TRHDE: variants seen among roughly 807,000 people sequenced by gnomAD.
The protein encoded by TRHDE is thyrotropin releasing hormone degrading enzyme.
TRHDE carries 72 observed loss-of-function variants against 125.7 expected under a neutral mutation model. The observed-to-expected ratio is 0.57, with a 90% CI of 0.47 to 0.70. The LOEUF is 0.70. TRHDE is among the 30% of genes least tolerant of loss of function. The pLI is 0.00. For missense variants in TRHDE, 1,110 were observed against 1,327.1 expected, an observed-to-expected ratio of 0.84 and a Z score of 2.54; for synonymous variants, 509 against 509.1, an observed-to-expected ratio of 1.00 and a Z score of 0.00.
chr12:72,618,860 A>G (rs997733283), intron 12 of TRHDE, 31 bp from the exon 13 acceptor site: 15 of 1,444,034 alleles, frequency 1.0e-5, no homozygotes, highest in Non-Finnish European at 1.3e-5. Context: ...TTTGTGCATC[A>G]TCATGTATCT....
In TRHDE at chr12:72,298,998, A is replaced by G. The variant is rs117842367; in HGVS notation, c.1188+12044A>G. On this transcript the variant is annotated intron_variant, in intron 2 of 18. Coordinates refer to ENST00000261180, the MANE Select transcript of TRHDE (RefSeq NM_013381.3). ...ACTTTTGCACCAAATGTGTTGCAGT[A>G]CAGAGAAGAATCTCTGGGTGACCAT... Among the ~76,000 whole-genome samples the G allele has an allele frequency of 3.5e-3, 531 of 152,232 alleles. 3 individuals carry two copies. Among genetic ancestry groups the G allele is most frequent in the South Asian group, 7.7e-3 (37 of 4,824 alleles).
intron 2 of TRHDE, chr12:72,162,868 TA>T (rs1431219831): frequency 6.6e-6 from 1 of 151,534 alleles, no homozygotes; most frequent in African/African-American, 2.4e-5. Context: ...TAGACAATCA[TA>T]GGGGGCATGA....
At chr12:72,124,064 A>G (rs1181127467) in intron 2 of TRHDE, among the ~76,000 whole-genome samples, 4 of 152,182 alleles carry the variant, frequency 2.6e-5, no homozygotes, top group Non-Finnish European at 4.4e-5. Context: ...AAATGTGCAC[A>G]GAACAACAAA....
At chr12:72,231,191 T>G (rs1878239520) in intron 2 of TRHDE, among the ~76,000 whole-genome samples, 1 of 151,378 alleles carries the variant, frequency 6.6e-6, no homozygotes, top group South Asian at 2.1e-4. Flanking sequence ...GCATGAAAAT[T>G]AAAAAAAAAT....
intron 3 of TRHDE, among the ~76,000 whole-genome samples, chr12:72,466,693 C>T (rs915095844): frequency 6.6e-6 from 1 of 152,136 alleles, no homozygotes; most frequent in Non-Finnish European, 1.5e-5. Flanking sequence ...CACCTTAGGG[C>T]CTTTGCATTT....
chr12:72,567,942 G>A (rs1274780386), intron 9 of TRHDE, among the ~76,000 whole-genome samples: 6 of 152,038 alleles, frequency 3.9e-5, no homozygotes, highest in Non-Finnish European at 1.5e-5. Flanking sequence ...GTCCCTGCAC[G>A]TTGGTGGATG....
At chr12:72,151,828 A>C (rs1278360516) in intron 2 of TRHDE, among the ~76,000 whole-genome samples, 5 of 151,960 alleles carry the variant, frequency 3.3e-5, no homozygotes, top group Non-Finnish European at 1.5e-5. Context: ...GTCAGGTAGC[A>C]TGATGCCTCC....
In TRHDE at chr12:72,665,116, A is replaced by G. The variant is rs1333822032; in HGVS notation, c.*1921A>G. 6.6e-6 allele frequency: 1 copy of G among 152,034 alleles called. No homozygotes were observed. Among genetic ancestry groups the G allele is most frequent in the African/African-American group, 2.4e-5 (1 of 41,444 alleles). The allele number at this position is 152,034 out of a possible 1,614,324, so 9.4% of individuals were successfully genotyped here. On this transcript the variant is annotated 3_prime_UTR_variant, in exon 19 of 19. Transcript: ENST00000261180. ...AAAATATAACAATACTAAATATCACACTGCGATGGAGGTCCCAAATATGTG... is the reference window on the plus strand; with the variant it reads ...AAAATATAACAATACTAAATATCACGCTGCGATGGAGGTCCCAAATATGTG...
chr12:72,259,522 C>A (rs2139393077), intron 2 of TRHDE, among the ~76,000 whole-genome samples: 1 of 152,302 alleles, frequency 6.6e-6, no homozygotes. Context: ...GCTGCTCAGG[C>A]ATTGTTGCTC....
chr12:72,138,099 A>G (rs1876025566), intron 2 of TRHDE, among the ~76,000 whole-genome samples: 1 of 152,208 alleles, frequency 6.6e-6, no homozygotes, highest in Non-Finnish European at 1.5e-5. Flanking sequence ...AAAACAGGCC[A>G]GGAGTGGTGG....
intron 1 of TRHDE, among the ~76,000 whole-genome samples, chr12:72,282,271 T>C (rs189667886): frequency 1.6e-4 from 25 of 152,316 alleles, no homozygotes; most frequent in Admixed American, 1.6e-3. Flanking sequence ...ATAATTGAAA[T>C]ATTTCGATTT....
intron 2 of TRHDE, among the ~76,000 whole-genome samples, chr12:72,118,351 A>G (rs1006624051): frequency 6.6e-6 from 1 of 152,044 alleles, no homozygotes; most frequent in Non-Finnish European, 1.5e-5. Flanking sequence ...ACAATATATC[A>G]CCTTGTTTGA....
chr12:72,182,135 G>C (rs1482593437), intron 2 of TRHDE, among the ~76,000 whole-genome samples: 3 of 152,258 alleles, frequency 2.0e-5, no homozygotes, highest in Non-Finnish European at 4.4e-5. Flanking sequence ...AATCAAAATA[G>C]TCCTTTGACT....
chr12:72,379,645 G>A (rs1204989642), intron 3 of TRHDE, among the ~76,000 whole-genome samples: 1 of 152,324 alleles, frequency 6.6e-6, no homozygotes, highest in African/African-American at 2.4e-5. Context: ...GGAACTCAAT[G>A]TATAACTTCA....
At chr12:72,224,215 ATCT>A in intron 2 of TRHDE, among the ~76,000 whole-genome samples, 2 of 141,128 alleles carry the variant, frequency 1.4e-5, no homozygotes, top group Admixed American at 1.5e-4. Context: ...TCTATCTATC[ATCT>A]ATCTATGCAT....
rs763437718 is a variant in TRHDE, at chr12:72,393,744, A to AT, written c.1315+15631dup. Among the ~76,000 whole-genome samples the AT allele has an allele frequency of 2.6e-3, 393 of 152,168 alleles. 2 individuals carry two copies. Among genetic ancestry groups the AT allele is most frequent in the Admixed American group, 4.3e-3 (66 of 15,270 alleles). ...GGTATAATGCTGTGTTATAGTTGACATTTTTTTTGTACAGAGCCTAGAGAA... is the reference window on the plus strand; with the variant it reads ...GGTATAATGCTGTGTTATAGTTGACATTTTTTTTTGTACAGAGCCTAGAGAA... On this transcript the variant is annotated intron_variant, in intron 3 of 18. Transcript: ENST00000261180.
intron 9 of TRHDE, among the ~76,000 whole-genome samples, chr12:72,564,164 C>A (rs538213903): frequency 6.6e-6 from 1 of 152,128 alleles, no homozygotes; most frequent in East Asian, 1.9e-4. Context: ...AACATGCTAC[C>A]CTTTGAAATC....
intron 2 of TRHDE, among the ~76,000 whole-genome samples, chr12:72,141,740 C>G (rs1175104282): frequency 6.6e-6 from 1 of 152,124 alleles, no homozygotes. Context: ...GTAGGTAGTA[C>G]AGTAGAAGGA....
chr12:72,472,485 T>C (rs548809236), intron 4 of TRHDE, among the ~76,000 whole-genome samples: 1 of 152,282 alleles, frequency 6.6e-6, no homozygotes, highest in African/African-American at 2.4e-5. Flanking sequence ...GAGTCAAGGG[T>C]GAGGGACCTC....
Sources: gnomAD v4.1 joint callset for allele counts (sites outside exome capture counted in the v4.1 genomes callset) on GRCh38, gnomAD v4.1.1 for gene constraint, MANE v1.5 for transcripts, NCBI Gene and HGNC (gene_info 2026-07-23, HGNC 2026-07-21) for gene names.